PARD3B: variants seen among roughly 807,000 people sequenced by gnomAD.
The protein encoded by PARD3B is partitioning defective 3 homolog B.
In PARD3B, 103 loss-of-function variants were observed where a neutral mutation model predicts 130.2. The observed-to-expected ratio is 0.79, with a 90% CI of 0.67 to 0.93. PARD3B has a LOEUF of 0.93. Ranked by LOEUF, PARD3B falls within the 40% of genes least tolerant of loss-of-function variation. The probability of loss-of-function intolerance (pLI) is 0.00; values close to 1 mark genes in which losing one functional copy is unlikely to be tolerated. For synonymous variants in PARD3B, 583 were observed against 553.2 expected (o/e 1.05, Z -0.76); for missense variants, 1,609 against 1,499.2 (o/e 1.07, Z -1.21).
rs1179279014 is a variant in PARD3B, at chr2:205,122,353, C to T, written c.1165+404C>T. 6.6e-6 allele frequency among the ~76,000 whole-genome samples: 1 copy of T among 152,168 alleles called. No homozygotes were observed. The highest frequency in any genetic ancestry group is 1.5e-5 in the Non-Finnish European group (1 of 68,022). On this transcript the variant is annotated intron_variant, in intron 8 of 22. Coordinates refer to ENST00000406610, the MANE Select transcript of PARD3B (RefSeq NM_001302769.2). The surrounding 1 kb of genome is among the most constrained non-coding windows in gnomAD (Gnocchi z 4.3). The stretch of plus-strand genomic sequence containing the variant: ...TTGTTTTTCTAAGACAGTCTTCTAA[C>T]AACAAAAATTTACTCCTCAGAAAGC...
chr2:205,125,752 T>A lies in PARD3B; in HGVS notation c.1434+15T>A, dbSNP rs752472294. 21 of 1,612,684 alleles carry A rather than the reference T, an allele frequency of 1.3e-5. No individual in the cohort carries two copies. Among genetic ancestry groups the A allele is most frequent in the Non-Finnish European group, 1.8e-5 (21 of 1,179,410 alleles). On this transcript the variant is annotated intron_variant, in intron 10 of 22. Transcript: ENST00000406610. This position sits in a 1 kb window ranked among gnomAD's most constrained non-coding sequence, Gnocchi z 4.0. ...CCCGAGAGTTGGTAATGTTCAGATCTCAGTCTCACTGAATTTTTAATGCCG... is the reference window on the plus strand; with the variant it reads ...CCCGAGAGTTGGTAATGTTCAGATCACAGTCTCACTGAATTTTTAATGCCG...
chr2:204,619,061 TTCTG>T (rs1412008227), intron 1 of PARD3B, among the ~76,000 whole-genome samples: 1 of 152,238 alleles, frequency 6.6e-6, no homozygotes, highest in East Asian at 1.9e-4. Flanking sequence ...TCACTTGATT[TTCTG>T]TCTGACTGTG....
chr2:204,876,090 G>A (rs1263100353), intron 2 of PARD3B, among the ~76,000 whole-genome samples: 2 of 152,176 alleles, frequency 1.3e-5, no homozygotes, highest in Admixed American at 6.5e-5. Context: ...TAAGCTATTG[G>A]CCTGAGTTTC....
At position 205,116,257 on chromosome 2, in the gene PARD3B, T is replaced by C. The variant is rs1704020640; in HGVS notation, c.681-2664T>C. Among the ~76,000 whole-genome samples the C allele has an allele frequency of 6.6e-6, 1 of 152,180 alleles. No homozygotes were observed. The highest frequency in any genetic ancestry group is 1.5e-5 in the Non-Finnish European group (1 of 68,040). On this transcript the variant is annotated intron_variant, in intron 6 of 22. Transcript: ENST00000406610. The surrounding 1 kb of genome is among the most constrained non-coding windows in gnomAD (Gnocchi z 4.5). ...GAAATCTAATTCGTTTCAGTACAGA[T>C]GCATAATATGCCTCAGTTTCATAGG...
intron 4 of PARD3B, among the ~76,000 whole-genome samples, chr2:205,087,815 G>A (rs1276710352): frequency 6.7e-6 from 1 of 148,302 alleles, no homozygotes; most frequent in Non-Finnish European, 1.5e-5. Context: ...AGGAAAAACA[G>A]CTCTACCAGG....
chr2:205,035,825 A>AGTGGGC (rs1553601906), intron 3 of PARD3B, among the ~76,000 whole-genome samples: 1 of 38,212 alleles, frequency 2.6e-5, no homozygotes, highest in African/African-American at 1.2e-4. Flanking sequence ...ATATATCTAT[A>AGTGGGC]TATCTATATA....
Position 204,606,908 on chromosome 2 carries a change from C to T in PARD3B, c.120+60789C>T, listed in dbSNP as rs1043659395. 6.6e-6 allele frequency among the ~76,000 whole-genome samples: 1 copy of T among 152,136 alleles called. No homozygotes were observed. Among genetic ancestry groups the T allele is most frequent in the Non-Finnish European group, 1.5e-5 (1 of 68,032 alleles). ...TTCTGGGAAATATTAAAGCCTTGAACAATCCCGTATCTTTTTCATATATTT... is the reference window on the plus strand; with the variant it reads ...TTCTGGGAAATATTAAAGCCTTGAATAATCCCGTATCTTTTTCATATATTT... On this transcript the variant is annotated intron_variant, in intron 1 of 22. Coordinates refer to ENST00000406610, the MANE Select transcript of PARD3B (RefSeq NM_001302769.2). This position sits in a 1 kb window ranked among gnomAD's most constrained non-coding sequence, Gnocchi z 4.0.
intron 2 of PARD3B, among the ~76,000 whole-genome samples, chr2:204,822,879 A>G (rs1448849124): frequency 6.6e-6 from 1 of 152,204 alleles, no homozygotes; most frequent in African/African-American, 2.4e-5. Flanking sequence ...TTTTTAAGGT[A>G]AAAGTATTGA....
At chr2:205,557,003 A>G (rs1318419156) in intron 22 of PARD3B, among the ~76,000 whole-genome samples, 1 of 151,994 alleles carries the variant, frequency 6.6e-6, no homozygotes, top group Admixed American at 6.6e-5. Flanking sequence ...TCAAGCCTCC[A>G]TCATTCCCAC....
chr2:205,256,841 G>A, intron 16 of PARD3B, among the ~76,000 whole-genome samples: 1 of 151,332 alleles, frequency 6.6e-6, no homozygotes. Flanking sequence ...GAACCTATTT[G>A]CAGCACAGAA....
chr2:204,888,378 A>G (rs527918883), intron 2 of PARD3B, among the ~76,000 whole-genome samples: 3 of 145,850 alleles, frequency 2.1e-5, no homozygotes, highest in South Asian at 4.2e-4. Context: ...GAGGGAGGGA[A>G]CTGTGTTGCA....
chr2:204,875,682 A>G (rs1284965491), intron 2 of PARD3B, among the ~76,000 whole-genome samples: 2 of 152,162 alleles, frequency 1.3e-5, no homozygotes, highest in African/African-American at 4.8e-5. Context: ...TGTGCACATG[A>G]AGTTTTTGTT....
rs1273016733 is a variant in PARD3B, at chr2:205,158,981, T to C, written c.1620+74T>C. On this transcript the variant is annotated intron_variant, in intron 11 of 22. Coordinates refer to ENST00000406610, the MANE Select transcript of PARD3B (RefSeq NM_001302769.2). This position sits in a 1 kb window ranked among gnomAD's most constrained non-coding sequence, Gnocchi z 5.4. ...GTGACTGTTGTACTTAGAGACTGAA[T>C]GGAGAAAGTGTCTGAAGACTTGAGG... 4.0e-6 allele frequency: 6 copies of C among 1,512,984 alleles called. No individual in the cohort carries two copies. In the Admixed American group the frequency reaches 1.1e-4, roughly 28 times the overall value. 93.7% of individuals were successfully genotyped at this position (1,512,984 alleles called of 1,614,324 possible).
At position 204,888,929 on chromosome 2, in the gene PARD3B, A is replaced by T. The variant is rs189948251; in HGVS notation, c.223-76223A>T. The stretch of plus-strand genomic sequence containing the variant: ...TTGTATATAAGCTAAAGAATTATAG[A>T]TGAAACTTTTGATAATAGACTGTTT... On this transcript the variant is annotated intron_variant, in intron 2 of 22. Transcript: ENST00000406610. Among the ~76,000 whole-genome samples, 542 of 152,302 alleles carry T rather than the reference A, an allele frequency of 3.6e-3. 3 individuals carry two copies. The highest frequency in any genetic ancestry group is 0.024 in the Middle Eastern group (7 of 292).
Position 205,142,408 on chromosome 2 carries a change from CT to C in PARD3B, c.1435-16312del, listed in dbSNP as rs1158541998. 6.6e-6 allele frequency among the ~76,000 whole-genome samples: 1 copy of C among 152,086 alleles called. No individual in the cohort carries two copies. The highest frequency in any genetic ancestry group is 2.4e-5 in the African/African-American group (1 of 41,410). The stretch of plus-strand genomic sequence containing the variant: ...CATAGTAGTCGCTTTTGGGAGGGAA[CT>C]TAAATACAATTTCAAAGAGGTATTG... On this transcript the variant is annotated intron_variant, in intron 10 of 22. Transcript: ENST00000406610. This position sits in a 1 kb window ranked among gnomAD's most constrained non-coding sequence, Gnocchi z 4.3.
intron 2 of PARD3B, among the ~76,000 whole-genome samples, chr2:204,708,175 G>C (rs982546713): frequency 6.6e-6 from 1 of 151,926 alleles, no homozygotes; most frequent in Admixed American, 6.6e-5. Context: ...GATTTGTTTT[G>C]TTTTTTAATT....
At chr2:204,910,591 A>T (rs966430521) in intron 2 of PARD3B, among the ~76,000 whole-genome samples, 1 of 152,198 alleles carries the variant, frequency 6.6e-6, no homozygotes, top group African/African-American at 2.4e-5. Flanking sequence ...CTGAGAGACA[A>T]ATTAATGTCT....
At chr2:205,003,407 G>A (rs746853323) in intron 3 of PARD3B, among the ~76,000 whole-genome samples, 3 of 152,112 alleles carry the variant, frequency 2.0e-5, no homozygotes, top group African/African-American at 7.2e-5. Context: ...AGGGTACAAG[G>A]CCTTCATGAT....
At chr2:205,355,375 GA>G in intron 18 of PARD3B, among the ~76,000 whole-genome samples, 1 of 152,078 alleles carries the variant, frequency 6.6e-6, no homozygotes, top group Non-Finnish European at 1.5e-5. Context: ...GAAAACCAGA[GA>G]AGACTGCAAA....
Sources: gnomAD v4.1 joint callset for allele counts (sites outside exome capture counted in the v4.1 genomes callset) on GRCh38, gnomAD v4.1.1 for gene constraint, Gnocchi (gnomAD v3.1) non-coding constraint, MANE v1.5 for transcripts, NCBI Gene and HGNC (gene_info 2026-07-23, HGNC 2026-07-21) for gene names.